The following OGDHL variants were observed in gnomAD, a reference collection of about 807,000 sequenced individuals.
OGDHL encodes the protein 2-oxoglutarate dehydrogenase-like, mitochondrial.
In OGDHL, 79 loss-of-function variants were observed where a neutral mutation model predicts 109.6. The observed-to-expected ratio is 0.72, with a 90% CI of 0.60 to 0.87. The LOEUF is 0.87. Ranked by LOEUF, OGDHL falls within the 40% of genes least tolerant of loss-of-function variation. The pLI is 0.00. For synonymous variants in OGDHL, 528 were observed against 537.2 expected (o/e 0.98, Z 0.24); for missense variants, 1,275 against 1,362.2 (o/e 0.94, Z 1.01).
chr10:49,742,057 CCA>C (rs775517451), intron 15 of OGDHL, among the ~76,000 whole-genome samples: 16 of 95,412 alleles, frequency 1.7e-4, no homozygotes, highest in Non-Finnish European at 3.3e-4. Context: ...CACACGCACA[CCA>C]CACTACACAC....
intron 17 of OGDHL, chr10:49,738,575 T>C: frequency 2.4e-6 from 1 of 424,362 alleles, no homozygotes; most frequent in Non-Finnish European, 4.4e-6. Context: ...GAGCACCTGC[T>C]GTACAGGAGG....
At chr10:49,758,616 A>G in intron 1 of OGDHL, 23 bp from the exon 2 acceptor site, 1 of 1,611,644 alleles carries the variant, frequency 6.2e-7, no homozygotes, top group South Asian at 1.1e-5. Context: ...AATGAAGGAG[A>G]GGCATAAATG....
chr10:49,744,570 C>T, intron 13 of OGDHL, 80 bp downstream of exon 13: 1 of 1,136,480 alleles, frequency 8.8e-7, no homozygotes. Flanking sequence ...AGCTGTCACC[C>T]AGGGCCATTC....
chr10:49,762,031 T>G (rs895167559), intron 1 of OGDHL, among the ~76,000 whole-genome samples: 3 of 151,952 alleles, frequency 2.0e-5, no homozygotes, highest in Non-Finnish European at 2.9e-5. Flanking sequence ...CGCGATGGGC[T>G]GGGGGTCCCG....
Position 49,750,991 on chromosome 10 carries a change from T to A in OGDHL, c.750-6A>T. 1 of 1,593,826 alleles carries A rather than the reference T, an allele frequency of 6.3e-7. No individual in the cohort carries two copies. Among genetic ancestry groups the A allele is most frequent in the Non-Finnish European group, 8.6e-7 (1 of 1,166,182 alleles). On this transcript the variant is annotated splice_region_variant and splice_polypyrimidine_tract_variant and intron_variant, in intron 6 of 22. Coordinates refer to ENST00000374103, the MANE Select transcript of OGDHL (RefSeq NM_018245.3). ...GGGCCAGGAAGTCTTCAAACCTGCT[T>A]GGGGAGAGGATGGGAAGAGGAAAGG... is the stretch of plus-strand genomic sequence containing the variant.
intron 11 of OGDHL, 58 bp from the exon 12 acceptor site, chr10:49,745,554 T>A: frequency 6.3e-7 from 1 of 1,599,910 alleles, no homozygotes; most frequent in Non-Finnish European, 8.5e-7. Context: ...TCAATGTAGC[T>A]GCTGCAAAAT....
rs1843059264 is a variant in OGDHL at position 49,758,544 on chromosome 10, T to C, written c.49A>G (p.Arg17Gly). Residue 17 changes from arginine to glycine, a missense_variant, in exon 2 of 23, where the codon AGG becomes GGG. By Grantham distance (125) the Arg-to-Gly change is moderately radical. Coordinates refer to ENST00000374103, the MANE Select transcript of OGDHL (RefSeq NM_018245.3). ...LPSRLGVQAA[R>G]LLAAHDVPVF... Reference sequence around the variant, plus strand: ...GGGACGTCATGTGCAGCCAGGAGCCTCGCAGCCTGTACCCCAAGACGGGAC... The same window carrying C: ...GGGACGTCATGTGCAGCCAGGAGCCCCGCAGCCTGTACCCCAAGACGGGAC... 1.2e-6 allele frequency: 2 copies of C among 1,613,846 alleles called. No individual in the cohort carries two copies. The highest frequency in any genetic ancestry group is 1.7e-6 in the Non-Finnish European group (2 of 1,180,020).
At chr10:49,747,487 G>C (rs1842283121) in intron 8 of OGDHL, among the ~76,000 whole-genome samples, 1 of 152,204 alleles carries the variant, frequency 6.6e-6, no homozygotes, top group Admixed American at 6.5e-5. Flanking sequence ...CCAGCGGTGG[G>C]GAAGGCAGGG....
At chr10:49,748,766 AC>A (rs1842381953) in intron 8 of OGDHL, among the ~76,000 whole-genome samples, 4 of 100,452 alleles carry the variant, frequency 4.0e-5, no homozygotes, top group South Asian at 3.4e-4. Context: ...ACACACACAC[AC>A]ACACACACAC....
intron 2 of OGDHL, among the ~76,000 whole-genome samples, chr10:49,757,345 C>T (rs935183969): frequency 3.9e-5 from 6 of 152,238 alleles, no homozygotes; most frequent in Non-Finnish European, 7.3e-5. Context: ...CACACACAGG[C>T]ATTTGCATGT....
intron 11 of OGDHL, 62 bp downstream of exon 11, chr10:49,745,736 C>A: frequency 1.3e-6 from 2 of 1,561,172 alleles, no homozygotes; most frequent in Non-Finnish European, 1.8e-6. Context: ...GATGACATGG[C>A]TGGCTCAGCA....
At chr10:49,742,252 A>C (rs1409568855) in intron 15 of OGDHL, among the ~76,000 whole-genome samples, 2 of 138,322 alleles carry the variant, frequency 1.4e-5, no homozygotes, top group African/African-American at 5.5e-5. Context: ...CATACACCAC[A>C]CATACCCCAT....
chr10:49,756,619 CA>C, intron 3 of OGDHL, 156 bp downstream of exon 3: 1 of 664,694 alleles, frequency 1.5e-6, no homozygotes, highest in African/African-American at 1.8e-5. Flanking sequence ...GGTGATGTGG[CA>C]AAGACTGGCT....
At chr10:49,756,657 G>A in intron 3 of OGDHL, 119 bp downstream of exon 3, 2 of 1,025,012 alleles carry the variant, frequency 2.0e-6, no homozygotes, top group Admixed American at 2.8e-5. Context: ...CTCAGTAGAG[G>A]ACAAGGAGAA....
chr10:49,746,637 G>T, intron 10 of OGDHL, 113 bp downstream of exon 10: 1 of 1,375,682 alleles, frequency 7.3e-7, no homozygotes, highest in Non-Finnish European at 1.0e-6. Flanking sequence ...TGCCTGGTAA[G>T]CAGCACAGCA....
chr10:49,744,153 T>C, intron 13 of OGDHL, 31 bp from the exon 14 acceptor site: 3 of 1,610,098 alleles, frequency 1.9e-6, no homozygotes, highest in Non-Finnish European at 2.5e-6. Context: ...GTCCACACTG[T>C]GTCAGTGGTG....
At position 49,735,329 on chromosome 10, in the gene OGDHL, C is replaced by T. The variant is rs1193044591; in HGVS notation, c.2932G>A (p.Ala978Thr). ...PIWYVGRDPA[A>T]APATGNRNTH... ...TTCCTGTTTCCTGTGGCTGGTGCAGCCGCTGGGTCCCGGCCAACATACCTG... is the reference window on the plus strand; with the variant it reads ...TTCCTGTTTCCTGTGGCTGGTGCAGTCGCTGGGTCCCGGCCAACATACCTG... The change falls in exon 23 of 23, where the codon GCT becomes ACT. Residue 978 changes from alanine to threonine, a missense_variant. Coordinates refer to ENST00000374103, the MANE Select transcript of OGDHL (RefSeq NM_018245.3). 3.1e-6 allele frequency: 5 copies of T among 1,613,330 alleles called. No individual in the cohort carries two copies. The highest frequency in any genetic ancestry group is 2.2e-5 in the South Asian group (2 of 91,004).
chr10:49,752,186 T>C lies in OGDHL; in HGVS notation c.541A>G (p.Ile181Val), dbSNP rs201458076. ...GAGAGGGTGTTTTCAGAGCCCCCAA[T>C]GAAGGTGGTTGTCGGCAGCTGGAAC... ...KEFQLPTTTFIGGSENTLSLR... is the reference protein window; with the variant it reads ...KEFQLPTTTFVGGSENTLSLR... The change falls in exon 5 of 23, where the codon ATT (isoleucine) becomes GTT (valine). Residue 181 changes from isoleucine to valine, a missense_variant. Physicochemically the swap from Ile to Val is conservative, Grantham distance 29. Transcript: ENST00000374103. 1.2e-6 allele frequency: 2 copies of C among 1,614,034 alleles called. No individual in the cohort carries two copies. The highest frequency in any genetic ancestry group is 1.3e-5 in the African/African-American group (1 of 75,010).
chr10:49,750,599 T>C (rs545370657), intron 7 of OGDHL, among the ~76,000 whole-genome samples: 5 of 152,146 alleles, frequency 3.3e-5, no homozygotes, highest in Non-Finnish European at 7.4e-5. Flanking sequence ...AGAGGCAACA[T>C]GGCCAGGGAG....
Sources: gnomAD v4.1 joint callset for allele counts (sites outside exome capture counted in the v4.1 genomes callset) on GRCh38, gnomAD v4.1.1 for gene constraint, MANE v1.5 for transcripts, NCBI Gene and HGNC (gene_info 2026-07-23, HGNC 2026-07-21) for gene names.